Variants in HIP1 observed in about 807,000 individuals in gnomAD.
The protein encoded by HIP1 is huntingtin interacting protein 1.
A neutral mutation model predicts 147.6 loss-of-function variants in HIP1; 65 were observed. The ratio of observed to expected loss-of-function variants is 0.44; its 90% CI spans 0.36 to 0.54. The LOEUF is 0.54. Ranked by LOEUF, HIP1 falls within the 20% of genes least tolerant of loss-of-function variation. The probability of loss-of-function intolerance (pLI) is 0.00; values close to 1 mark genes in which losing one functional copy is unlikely to be tolerated. For synonymous variants in HIP1, 479 were observed against 504.0 expected (o/e 0.95, Z 0.67); for missense variants, 1,061 against 1,299.6 (o/e 0.82, Z 2.82).
chr7:75,585,610 CG>C (rs1212650237), intron 5 of HIP1, among the ~76,000 whole-genome samples: 1 of 151,890 alleles, frequency 6.6e-6, no homozygotes, highest in Non-Finnish European at 1.5e-5. Flanking sequence ...CCTGCTTCTT[CG>C]CCTTGCAATC....
At chr7:75,673,814 T>C (rs537270348) in intron 1 of HIP1, among the ~76,000 whole-genome samples, 1 of 46,216 alleles carries the variant, frequency 2.2e-5, no homozygotes, top group Non-Finnish European at 4.3e-5. Context: ...CAAAGCCCTA[T>C]CTCTACAAAA....
chr7:75,678,789 A>AC (rs1336316579), intron 1 of HIP1, among the ~76,000 whole-genome samples: 2 of 152,046 alleles, frequency 1.3e-5, no homozygotes, highest in African/African-American at 4.8e-5. Flanking sequence ...TGGAGCAGGG[A>AC]CCCCCTCCTA....
chr7:75,652,608 T>A (rs990994268), intron 1 of HIP1, among the ~76,000 whole-genome samples: 7 of 152,074 alleles, frequency 4.6e-5, no homozygotes, highest in Admixed American at 1.3e-4. Flanking sequence ...CAAGCAATCC[T>A]CCTGCCTTGG....
intron 29 of HIP1, among the ~76,000 whole-genome samples, chr7:75,541,699 AAAG>A (rs1162766388): frequency 9.9e-4 from 142 of 143,120 alleles, no homozygotes; most frequent in Middle Eastern, 3.6e-3. Context: ...CCGTCTCAAA[AAAG>A]AAAAAAAACA....
intron 1 of HIP1, among the ~76,000 whole-genome samples, chr7:75,676,646 T>G (rs1040085569): frequency 6.6e-6 from 1 of 151,290 alleles, no homozygotes; most frequent in South Asian, 2.1e-4. Flanking sequence ...CCTGGTGGTG[T>G]GTGCCTGTAA....
At chr7:75,578,732 AC>A (rs1386449394) in intron 7 of HIP1, among the ~76,000 whole-genome samples, 1 of 152,200 alleles carries the variant, frequency 6.6e-6, no homozygotes, top group African/African-American at 2.4e-5. Context: ...TGAATTATCC[AC>A]ATACGTTGTT....
At chr7:75,634,762 C>A (rs999740639) in intron 1 of HIP1, among the ~76,000 whole-genome samples, 7 of 151,718 alleles carry the variant, frequency 4.6e-5, no homozygotes, top group Non-Finnish European at 7.4e-5. Context: ...CCCGTCTCTA[C>A]AAAAGTAAAT....
intron 23 of HIP1, 31 bp from the exon 24 acceptor site, chr7:75,547,844 G>A (rs1486470504): frequency 6.3e-7 from 1 of 1,591,676 alleles, no homozygotes; most frequent in Admixed American, 1.7e-5. Context: ...TTCTAAATGT[G>A]CCTTGAATAT....
intron 2 of HIP1, among the ~76,000 whole-genome samples, chr7:75,598,159 G>A (rs1352716630): frequency 6.6e-6 from 1 of 152,038 alleles, no homozygotes; most frequent in Non-Finnish European, 1.5e-5. Flanking sequence ...TCATGCCTGT[G>A]ATCTCAGCAC....
At chr7:75,561,542 T>G (rs1483150487) in intron 12 of HIP1, 141 bp from the exon 13 acceptor site, 2 of 662,832 alleles carry the variant, frequency 3.0e-6, no homozygotes, top group Non-Finnish European at 5.4e-6. Context: ...ACTCTAAATG[T>G]TACCAGATAC....
At chr7:75,670,630 G>A (rs1199356005) in intron 1 of HIP1, among the ~76,000 whole-genome samples, 1 of 151,840 alleles carries the variant, frequency 6.6e-6, no homozygotes, top group East Asian at 1.9e-4. Flanking sequence ...AATTTTTTGA[G>A]ACAGGGTCTT....
At chr7:75,695,271 C>CT (rs1237518730) in intron 1 of HIP1, among the ~76,000 whole-genome samples, 3 of 152,098 alleles carry the variant, frequency 2.0e-5, no homozygotes, top group African/African-American at 7.2e-5. Flanking sequence ...ATTGTGCAGG[C>CT]TTTTTTTTCT....
intron 1 of HIP1, among the ~76,000 whole-genome samples, chr7:75,623,641 C>T (rs1264301680): frequency 6.6e-6 from 1 of 152,188 alleles, no homozygotes; most frequent in African/African-American, 2.4e-5. Flanking sequence ...CACTCAAGGA[C>T]CAGGCAAGTG....
In HIP1 at chr7:75,549,028, T is replaced by C. The variant is rs782354896; in HGVS notation, c.2296-27A>G. The C allele has an allele frequency of 8.0e-6, 12 of 1,509,414 alleles. No individual in the cohort carries two copies. In the South Asian group the frequency reaches 1.3e-4, roughly 17 times the overall value. 93.5% of individuals were successfully genotyped at this position (1,509,414 alleles called of 1,614,324 possible). A position where few individuals can be genotyped will look rare whatever the true frequency, so the allele number is the denominator to read the frequency against. The stretch of plus-strand genomic sequence containing the variant: ...TGTGAACACATCACAAAGGCTGAAC[T>C]GACCTTGGGGCCTCCTGTCTCTTCT... On this transcript the variant is annotated intron_variant, in intron 22 of 30. Coordinates refer to ENST00000336926, the MANE Select transcript of HIP1 (RefSeq NM_005338.7).
At chr7:75,595,322 CCT>C (rs1397885869) in intron 2 of HIP1, among the ~76,000 whole-genome samples, 2 of 146,678 alleles carry the variant, frequency 1.4e-5, no homozygotes, top group South Asian at 2.2e-4. Context: ...TCCTTCCCTC[CCT>C]CTCTCTCTCG....
intron 2 of HIP1, among the ~76,000 whole-genome samples, chr7:75,596,304 GT>G (rs587615578): frequency 7.1e-4 from 108 of 151,176 alleles, no homozygotes; most frequent in Non-Finnish European, 1.3e-3. Flanking sequence ...ACTGTATGGA[GT>G]TGATTTTTCA....
At chr7:75,671,193 G>A (rs1175963632) in intron 1 of HIP1, among the ~76,000 whole-genome samples, 3 of 151,806 alleles carry the variant, frequency 2.0e-5, no homozygotes, top group Non-Finnish European at 4.4e-5. Context: ...TCCCGGGTTC[G>A]AGTGATTCTC....
At chr7:75,557,496 C>T (rs587705661) in intron 16 of HIP1, among the ~76,000 whole-genome samples, 158 bp downstream of exon 16, 29 of 152,250 alleles carry the variant, frequency 1.9e-4, no homozygotes, top group African/African-American at 6.3e-4. Flanking sequence ...GCACTGGTGA[C>T]GGTGTTTTGC....
At chr7:75,673,794 G>A (rs1287024787) in intron 1 of HIP1, among the ~76,000 whole-genome samples, 4 of 132,602 alleles carry the variant, frequency 3.0e-5, no homozygotes, top group African/African-American at 1.2e-4. Flanking sequence ...GACCAGCCTG[G>A]GCAACATAGC....
Sources: gnomAD v4.1 joint callset for allele counts (sites outside exome capture counted in the v4.1 genomes callset) on GRCh38, gnomAD v4.1.1 for gene constraint, MANE v1.5 for transcripts, NCBI Gene and HGNC (gene_info 2026-07-23, HGNC 2026-07-21) for gene names.